Variants in NSMAF observed in about 807,000 individuals in gnomAD.
The protein encoded by NSMAF is neutral sphingomyelinase activation associated factor, also known as protein FAN.
In NSMAF, 90 loss-of-function variants were observed where a neutral mutation model predicts 134.9. The observed-to-expected ratio is 0.67, with a 90% CI of 0.56 to 0.79. The LOEUF is 0.79. Ranked by LOEUF, NSMAF falls within the 30% of genes least tolerant of loss-of-function variation. The probability of loss-of-function intolerance (pLI) is 0.00; values close to 1 mark genes in which losing one functional copy is unlikely to be tolerated. For synonymous variants in NSMAF, 358 were observed against 389.6 expected (o/e 0.92, Z 0.96); for missense variants, 1,010 against 1,119.0 (o/e 0.90, Z 1.39).
At chr8:58,597,804 T>C (rs1806174190) in intron 20 of NSMAF, 56 bp downstream of exon 20, 3 of 1,200,536 alleles carry the variant, frequency 2.5e-6, no homozygotes, top group Admixed American at 2.0e-5. Flanking sequence ...ATTAATAATT[T>C]AGATAAAGAC....
intron 29 of NSMAF, 21 bp from the exon 30 acceptor site, chr8:58,585,782 T>C: frequency 2.5e-6 from 4 of 1,604,924 alleles, no homozygotes; most frequent in South Asian, 1.1e-5. Flanking sequence ...GATTTAGAAA[T>C]AGTCCTTTCT....
At position 58,597,866 on chromosome 8, in the gene NSMAF, A is replaced by C. The variant is rs372852882; in HGVS notation, c.1622T>G (p.Leu541Trp). 10 of 1,601,310 alleles carry C rather than the reference A, an allele frequency of 6.2e-6. No homozygotes were observed. In the African/African-American group the frequency reaches 6.7e-5, roughly 11 times the overall value. ...CTTATTGACATATAAGTACCTGTTCAAGTCTACACCTCCTTCATAGGTCAG... is the reference window on the plus strand; with the variant it reads ...CTTATTGACATATAAGTACCTGTTCCAGTCTACACCTCCTTCATAGGTCAG... ...HPLTYEGGVD[L>W]NSIQDPDEKV... The change falls in exon 20 of 31, where the codon TTG becomes TGG. Residue 541 changes from leucine (L) to tryptophan (W), a missense_variant. Coordinates refer to ENST00000038176, the MANE Select transcript of NSMAF (RefSeq NM_003580.4).
chr8:58,603,384 G>C lies in NSMAF; in HGVS notation c.871C>G (p.His291Asp), dbSNP rs759297853. ...TCAGCAGTGTGCTCCGCCACATGGT[G>C]CTCTGGGGGAAGAGGACCCACGAGG... ...LYFYIATYLE[H>D]HVAEHTAESY... The change falls in exon 13 of 31, where the codon CAC becomes GAC. Residue 291 changes from histidine (H) to aspartate (D), a missense_variant and splice_region_variant. Transcript: ENST00000038176. The C allele has an allele frequency of 1.2e-6, 2 of 1,613,442 alleles. No individual in the cohort carries two copies. Among genetic ancestry groups the C allele is most frequent in the Non-Finnish European group, 1.7e-6 (2 of 1,179,916 alleles).
intron 1 of NSMAF, among the ~76,000 whole-genome samples, chr8:58,657,855 T>C (rs1433611113): frequency 6.6e-6 from 1 of 152,260 alleles, no homozygotes; most frequent in Middle Eastern, 3.4e-3. Flanking sequence ...AGAGCTAGAG[T>C]TCTCTCTGAA....
At chr8:58,653,030 G>A (rs1807621527) in intron 1 of NSMAF, among the ~76,000 whole-genome samples, 1 of 152,136 alleles carries the variant, frequency 6.6e-6, no homozygotes, top group Admixed American at 6.5e-5. Context: ...ACAATCTGTA[G>A]GTTTAAAATA....
At chr8:58,599,070 T>C (rs984278036) in intron 19 of NSMAF, among the ~76,000 whole-genome samples, 162 bp downstream of exon 19, 1 of 152,198 alleles carries the variant, frequency 6.6e-6, no homozygotes, top group Non-Finnish European at 1.5e-5. Flanking sequence ...ATGCAGCCAG[T>C]GGACGCTGGA....
At chr8:58,591,988 C>T (rs1205146514) in intron 23 of NSMAF, among the ~76,000 whole-genome samples, 1 of 152,132 alleles carries the variant, frequency 6.6e-6, no homozygotes, top group African/African-American at 2.4e-5. Context: ...GAATTCCTGA[C>T]AATTTATAAA....
chr8:58,598,555 C>T (rs1806196277), intron 19 of NSMAF, among the ~76,000 whole-genome samples: 1 of 151,394 alleles, frequency 6.6e-6, no homozygotes, highest in African/African-American at 2.4e-5. Flanking sequence ...CTGGGTCTTC[C>T]ATAGGAATTG....
chr8:58,604,053 C>A (rs1423345840), intron 12 of NSMAF, among the ~76,000 whole-genome samples: 1 of 152,164 alleles, frequency 6.6e-6, no homozygotes, highest in Non-Finnish European at 1.5e-5. Context: ...AATTAACTGT[C>A]CTACAAGTGG....
chr8:58,587,147 G>A (rs911120315), intron 27 of NSMAF, among the ~76,000 whole-genome samples: 14 of 152,222 alleles, frequency 9.2e-5, no homozygotes, highest in African/African-American at 3.4e-4. Flanking sequence ...GTGACCCAGA[G>A]AAAACAGAGC....
intron 19 of NSMAF, among the ~76,000 whole-genome samples, chr8:58,598,490 C>CAAAAAATAAAA (rs1806189728): frequency 7.9e-6 from 1 of 125,952 alleles, no homozygotes; most frequent in Admixed American, 7.7e-5. Context: ...CTGTCTCAAA[C>CAAAAAATAAAA]AAAAAAAAAA....
chr8:58,646,037 G>A (rs151184016), intron 1 of NSMAF, among the ~76,000 whole-genome samples: 65 of 151,818 alleles, frequency 4.3e-4, no homozygotes, highest in Admixed American at 8.5e-4. Context: ...GCGAGACTCC[G>A]TCTCAAAATC....
chr8:58,594,438 A>G (rs1396104711), intron 22 of NSMAF, 148 bp from the exon 23 acceptor site: 18 of 687,554 alleles, frequency 2.6e-5, no homozygotes, highest in Non-Finnish European at 4.3e-5. Context: ...TAAACCTGCC[A>G]TTACCAAATC....
intron 1 of NSMAF, among the ~76,000 whole-genome samples, chr8:58,656,995 G>A (rs764812412): frequency 5.9e-5 from 9 of 151,658 alleles, no homozygotes; most frequent in Non-Finnish European, 1.2e-4. Flanking sequence ...TCTGAAATTC[G>A]AACTTAACTG....
intron 5 of NSMAF, among the ~76,000 whole-genome samples, chr8:58,633,079 G>A (rs982355157): frequency 6.6e-6 from 1 of 152,108 alleles, no homozygotes; most frequent in Non-Finnish European, 1.5e-5. Flanking sequence ...TCTCTACCCA[G>A]CCCCCAGAGA....
chr8:58,592,280 G>A (rs567807030), intron 23 of NSMAF, among the ~76,000 whole-genome samples: 6 of 152,254 alleles, frequency 3.9e-5, no homozygotes, highest in Admixed American at 1.3e-4. Context: ...TCTCACTGCA[G>A]CAGCCTGGGT....
At chr8:58,656,043 G>A (rs1012180183) in intron 1 of NSMAF, among the ~76,000 whole-genome samples, 6 of 151,794 alleles carry the variant, frequency 4.0e-5, no homozygotes, top group African/African-American at 1.5e-4. Flanking sequence ...GTTTGAGATG[G>A]AGTCTCGCTC....
chr8:58,635,583 T>A, intron 2 of NSMAF, 37 bp from the exon 3 acceptor site: 2 of 1,282,910 alleles, frequency 1.6e-6, no homozygotes, highest in Non-Finnish European at 2.2e-6. Context: ...TTGATGAGCA[T>A]AACAAAAATC....
At chr8:58,659,165 A>C in intron 1 of NSMAF, 3 of 1,409,406 alleles carry the variant, frequency 2.1e-6, no homozygotes, top group Non-Finnish European at 2.8e-6. Context: ...AAGGATTAGA[A>C]AGGGGGTGCC....
Sources: gnomAD v4.1 joint callset for allele counts (sites outside exome capture counted in the v4.1 genomes callset) on GRCh38, gnomAD v4.1.1 for gene constraint, MANE v1.5 for transcripts, NCBI Gene and HGNC (gene_info 2026-07-23, HGNC 2026-07-21) for gene names.